The following FARP2 variants were observed in gnomAD, a reference collection of about 807,000 sequenced individuals.
FARP2 encodes the protein FERM, ARH/RhoGEF and pleckstrin domain protein 2.
Under a neutral mutation model 130.5 loss-of-function variants are expected in FARP2, and 111 were observed. The ratio of observed to expected loss-of-function variants is 0.85; its 90% CI spans 0.73 to 1.00. The LOEUF is 1.00. Ranked by LOEUF, FARP2 falls within the 50% of genes least tolerant of loss-of-function variation. FARP2 has a pLI of 0.00. For missense variants in FARP2, 1,385 were observed against 1,346.3 expected (o/e 1.03, Z -0.45); for synonymous variants, 504 against 516.9 (o/e 0.98, Z 0.34).
intron 2 of FARP2, among the ~76,000 whole-genome samples, chr2:241,379,243 C>T (rs974890299): frequency 7.9e-5 from 12 of 152,208 alleles, no homozygotes; most frequent in African/African-American, 2.2e-4. Flanking sequence ...GGAGTTAATG[C>T]GATTTAAAGG....
chr2:241,480,020 T>C (rs1451748796), intron 19 of FARP2, among the ~76,000 whole-genome samples: 1 of 152,212 alleles, frequency 6.6e-6, no homozygotes, highest in African/African-American at 2.4e-5. Context: ...TAGGATTCTT[T>C]TAGAAACCAC....
chr2:241,376,495 G>A (rs778158781), intron 2 of FARP2, among the ~76,000 whole-genome samples: 19 of 149,266 alleles, frequency 1.3e-4, no homozygotes, highest in African/African-American at 2.0e-4. Context: ...TCAGTGGGCT[G>A]GTGTGTAGGG....
At chr2:241,483,434 G>T (rs374233375) in intron 19 of FARP2, 31 bp from the exon 20 acceptor site, 2 of 1,603,228 alleles carry the variant, frequency 1.2e-6, no homozygotes, top group Non-Finnish European at 1.7e-6. Context: ...CCCTCAGCCC[G>T]CTGAAAGGGG....
intron 4 of FARP2, among the ~76,000 whole-genome samples, chr2:241,405,063 A>G (rs2062297288): frequency 6.6e-6 from 1 of 152,252 alleles, no homozygotes; most frequent in South Asian, 2.1e-4. Context: ...ATAAGAGCAT[A>G]TGCTGTTTGA....
Position 241,441,469 on chromosome 2 carries a change from G to C in FARP2, c.1324G>C (p.Ala442Pro), listed in dbSNP as rs775443089. 6.2e-7 allele frequency: 1 copy of C among 1,614,100 alleles called. No homozygotes were observed. Among genetic ancestry groups the C allele is most frequent in the African/African-American group, 1.3e-5 (1 of 74,926 alleles). Reference sequence around the variant, plus strand: ...GGTTTCCTACGTCAAGAGTCCAGCTGCAGAGAGGCGCAGTGGAGCAGTGGC... The same window carrying C: ...GGTTTCCTACGTCAAGAGTCCAGCTCCAGAGAGGCGCAGTGGAGCAGTGGC... ...PQVSYVKSPA[A>P]ERRSGAVAGG... is the part of the protein sequence containing the mutation. Residue 442 changes from alanine (A) to proline (P), a missense_variant, in exon 13 of 27, where the codon GCA (alanine) becomes CCA (proline). By Grantham distance (27) the Ala-to-Pro change is conservative. Coordinates refer to ENST00000264042, the MANE Select transcript of FARP2 (RefSeq NM_014808.4).
intron 21 of FARP2, among the ~76,000 whole-genome samples, chr2:241,485,183 C>G (rs1487333272): frequency 6.8e-6 from 1 of 147,166 alleles, no homozygotes; most frequent in African/African-American, 2.5e-5. Context: ...CCCTCCCTCC[C>G]CAAGGTCCTT....
chr2:241,454,073 C>T (rs73006355), intron 13 of FARP2, among the ~76,000 whole-genome samples: 3,271 of 152,106 alleles, frequency 0.022, 62 homozygotes, highest in Non-Finnish European at 0.033. Context: ...CATGAGTCAC[C>T]GCACCCGGCC....
At chr2:241,363,798 A>G (rs567521498) in intron 1 of FARP2, among the ~76,000 whole-genome samples, 1 of 152,380 alleles carries the variant, frequency 6.6e-6, no homozygotes, top group South Asian at 2.1e-4. Context: ...ACAAAATACC[A>G]GCATTCCCCA....
At chr2:241,391,711 T>C (rs928203253) in intron 2 of FARP2, among the ~76,000 whole-genome samples, 1 of 152,230 alleles carries the variant, frequency 6.6e-6, no homozygotes, top group Non-Finnish European at 1.5e-5. Context: ...GTGCAGAGCT[T>C]CTGCTACCAC....
At chr2:241,461,131 C>T (rs1689946600) in intron 14 of FARP2, among the ~76,000 whole-genome samples, 1 of 152,182 alleles carries the variant, frequency 6.6e-6, no homozygotes, top group Non-Finnish European at 1.5e-5. Context: ...GCTCCTGATA[C>T]TCCTCCCAAA....
At chr2:241,407,811 A>G (rs1003519339) in intron 5 of FARP2, among the ~76,000 whole-genome samples, 196 bp downstream of exon 5, 13 of 152,230 alleles carry the variant, frequency 8.5e-5, no homozygotes, top group African/African-American at 3.1e-4. Flanking sequence ...ACTTCAGTGT[A>G]AGGTTTACAG....
rs1384400161 is a variant in FARP2 at position 241,491,178 on chromosome 2, C to A, written c.2622C>A (p.Pro874=). 17 of 1,604,410 alleles carry A rather than the reference C, an allele frequency of 1.1e-5. No individual in the cohort carries two copies. Among genetic ancestry groups the A allele is most frequent in the Non-Finnish European group, 1.4e-5 (16 of 1,171,872 alleles). Residue 874 remains proline, a splice_region_variant and synonymous_variant, in exon 23 of 27, where the codon CCC becomes CCA. Coordinates refer to ENST00000264042, the MANE Select transcript of FARP2 (RefSeq NM_014808.4). ...GCCGCACTGTGTGCACTCGTCCCCCCAGTGAGTGCTGGCCACAACCCCCCA... is the reference window on the plus strand; with the variant it reads ...GCCGCACTGTGTGCACTCGTCCCCCAAGTGAGTGCTGGCCACAACCCCCCA... ...LPGRTVCTRP[P]RSPNEVSLEQ...
intron 1 of FARP2, among the ~76,000 whole-genome samples, chr2:241,370,150 G>A (rs1018159407): frequency 6.6e-6 from 1 of 152,104 alleles, no homozygotes; most frequent in African/African-American, 2.4e-5. Context: ...ATACCTTATT[G>A]TATATTTCAA....
intron 17 of FARP2, chr2:241,466,522 G>C: frequency 4.1e-6 from 4 of 985,438 alleles, no homozygotes; most frequent in Non-Finnish European, 4.8e-6. Flanking sequence ...AGGGACCCCA[G>C]CCCATCATGG....
At chr2:241,393,755 T>C (rs992054930) in intron 2 of FARP2, among the ~76,000 whole-genome samples, 1 of 152,242 alleles carries the variant, frequency 6.6e-6, no homozygotes, top group Non-Finnish European at 1.5e-5. Flanking sequence ...GCCAGGCCTT[T>C]GTCGCCCATT....
intron 2 of FARP2, among the ~76,000 whole-genome samples, chr2:241,373,668 G>T (rs902221946): frequency 1.1e-4 from 17 of 152,140 alleles, no homozygotes; most frequent in Non-Finnish European, 1.5e-5. Context: ...TTCCATGTGT[G>T]TCAGCTTCCT....
chr2:241,417,856 A>T, intron 7 of FARP2, 106 bp from the exon 8 acceptor site: 1 of 1,276,596 alleles, frequency 7.8e-7, no homozygotes, highest in Non-Finnish European at 1.1e-6. Flanking sequence ...CCCTCTAAAC[A>T]CACAAAGCCT....
chr2:241,380,534 G>A (rs2061637197), intron 2 of FARP2, among the ~76,000 whole-genome samples: 1 of 151,866 alleles, frequency 6.6e-6, no homozygotes, highest in East Asian at 1.9e-4. Flanking sequence ...TTCAGATTTT[G>A]GAATATTTGC....
chr2:241,491,851 G>A (rs1384801928), intron 24 of FARP2, among the ~76,000 whole-genome samples, 172 bp downstream of exon 24: 1 of 152,196 alleles, frequency 6.6e-6, no homozygotes, highest in Admixed American at 6.5e-5. Flanking sequence ...CCCTCATCCA[G>A]TCAAGCCCTC....
Sources: gnomAD v4.1 joint callset for allele counts (sites outside exome capture counted in the v4.1 genomes callset) on GRCh38, gnomAD v4.1.1 for gene constraint, MANE v1.5 for transcripts, NCBI Gene and HGNC (gene_info 2026-07-23, HGNC 2026-07-21) for gene names.